MYO18A: variants seen among roughly 807,000 people sequenced by gnomAD.
MYO18A encodes myosin XVIIIA, also known as unconventional myosin-XVIIIa.
A neutral mutation model predicts 235.8 loss-of-function variants in MYO18A; 78 were observed. That is an observed-to-expected ratio of 0.33 (90% confidence interval 0.28 to 0.40). The LOEUF is 0.40. Ranked by LOEUF, MYO18A falls within the 10% of genes least tolerant of loss-of-function variation. The pLI, the probability that MYO18A is intolerant of heterozygous loss-of-function variation, is 1.00. For missense variants in MYO18A, 2,215 were observed against 2,699.3 expected, an observed-to-expected ratio of 0.82 and a Z score of 3.98; for synonymous variants, 977 against 1,077.8, an observed-to-expected ratio of 0.91 and a Z score of 1.83.
chr17:29,079,804 T>A (rs2066071699), intron 41 of MYO18A: 2 of 985,962 alleles, frequency 2.0e-6, no homozygotes, highest in African/African-American at 3.5e-5. Context: ...CTTTTCCTCC[T>A]TCCTCGACGG....
intron 36 of MYO18A, 28 bp downstream of exon 36, chr17:29,090,504 C>G (rs1183443191): frequency 6.4e-7 from 1 of 1,562,654 alleles, no homozygotes. Flanking sequence ...GGCACTCTCT[C>G]TCTCCTGAGG....
rs548034581 is a variant in MYO18A, at chr17:29,154,067, G to A, written c.999+11875C>T. Among the ~76,000 whole-genome samples, 6 of 152,014 alleles carry A rather than the reference G, an allele frequency of 3.9e-5. No individual in the cohort carries two copies. The South Asian group carries it at 1.2e-3, about 32-fold the overall frequency. ...CAAATGGCAGAAATTGGAGGGGTCT[G>A]GGAGAAAAGGACAACCCACTCTAAA... On this transcript the variant is annotated intron_variant, in intron 2 of 41. Coordinates refer to ENST00000527372, the MANE Select transcript of MYO18A (RefSeq NM_078471.4).
At chr17:29,103,032 C>G (rs2066693536) in intron 21 of MYO18A, among the ~76,000 whole-genome samples, 1 of 152,232 alleles carries the variant, frequency 6.6e-6, no homozygotes, top group Non-Finnish European at 1.5e-5. Flanking sequence ...TCAGCTGACC[C>G]TTTGGTGAGG....
rs542564282 is a variant in MYO18A at position 29,149,730 on chromosome 17, G to GC, written c.999+16211dup. 4.2e-3 allele frequency among the ~76,000 whole-genome samples: 635 copies of GC among 152,260 alleles called. 4 individuals carry two copies. The highest frequency in any genetic ancestry group is 0.014 in the African/African-American group (595 of 41,554). On this transcript the variant is annotated intron_variant, in intron 2 of 41. Transcript: ENST00000527372. Reference sequence around the variant, plus strand: ...CTCAGCTGCTGGGGATTTCCTCATGGCCCCCGGGGACTTCCAAATTGCCTC... The same window carrying GC: ...CTCAGCTGCTGGGGATTTCCTCATGGCCCCCCGGGGACTTCCAAATTGCCTC...
In MYO18A at chr17:29,111,764, G is replaced by A. The variant is rs144602898; in HGVS notation, c.2698C>T (p.Arg900Cys). ...TGGGGGCCATAATAGGAGAAAAGGCGCTCCAGGAGGGTGTCCTCACTGGCC... is the reference window on the plus strand; with the variant it reads ...TGGGGGCCATAATAGGAGAAAAGGCACTCCAGGAGGGTGTCCTCACTGGCC... ...PGASEDTLLERLFSYYGPQEG... is the reference protein window; with the variant it reads ...PGASEDTLLECLFSYYGPQEG... Residue 900 changes from arginine (R) to cysteine (C), a missense_variant, in exon 16 of 42, where the codon CGC becomes TGC. Physicochemically the swap from Arg to Cys is radical, Grantham distance 180 (BLOSUM62 -3). Coordinates refer to ENST00000527372, the MANE Select transcript of MYO18A (RefSeq NM_078471.4). The surrounding 1 kb of genome is among the most constrained non-coding windows in gnomAD (Gnocchi z 5.1). 3.8e-4 allele frequency: 618 copies of A among 1,613,796 alleles called. No individual in the cohort carries two copies. The highest frequency in any genetic ancestry group is 1.5e-3 in the Middle Eastern group (9 of 6,060).
chr17:29,178,737 A>T (rs1328503679), intron 1 of MYO18A, among the ~76,000 whole-genome samples: 4 of 152,122 alleles, frequency 2.6e-5, no homozygotes, highest in African/African-American at 9.7e-5. Context: ...CCTGAACTAA[A>T]AAGGGTGGGG....
intron 20 of MYO18A, among the ~76,000 whole-genome samples, chr17:29,105,577 GGAA>G (rs1269753728): frequency 3.3e-5 from 5 of 152,182 alleles, no homozygotes; most frequent in African/African-American, 9.7e-5. Flanking sequence ...AAGGGGTACG[GGAA>G]GAAGGAGGCT....
At chr17:29,165,225 G>A (rs553831607) in intron 2 of MYO18A, among the ~76,000 whole-genome samples, 8 of 152,046 alleles carry the variant, frequency 5.3e-5, no homozygotes, top group Non-Finnish European at 1.0e-4. Context: ...GTTCCATGAC[G>A]GCCCTAATTT....
In MYO18A at chr17:29,161,312, G is replaced by A. The variant is rs146646187; in HGVS notation, c.999+4630C>T. ...GGAAGTTGCAGTGAGCTGAGATCGC[G>A]CCACTGCATTCCAGCCTGGGTGACA... On this transcript the variant is annotated intron_variant, in intron 2 of 41. Transcript: ENST00000527372. Among the ~76,000 whole-genome samples the A allele has an allele frequency of 4.3e-3, 628 of 145,110 alleles. 2 individuals are homozygous for A. Among genetic ancestry groups the A allele is most frequent in the African/African-American group, 0.015 (588 of 38,940 alleles).
intron 2 of MYO18A, among the ~76,000 whole-genome samples, chr17:29,146,282 AAAAT>A (rs2067848372): frequency 6.6e-6 from 1 of 152,156 alleles, no homozygotes; most frequent in Non-Finnish European, 1.5e-5. Flanking sequence ...AAAATAAAAT[AAAAT>A]AAAAGGCAAA....
chr17:29,127,671 G>A lies in MYO18A; in HGVS notation c.1000-5418C>T, dbSNP rs912866585. 5.9e-5 allele frequency among the ~76,000 whole-genome samples: 9 copies of A among 152,236 alleles called. No homozygotes were observed. The East Asian group carries it at 1.7e-3, about 29-fold the overall frequency. On this transcript the variant is annotated intron_variant, in intron 2 of 41. Transcript: ENST00000527372. ...CAGGCCAGAGCCCAGGCAACTGCAG[G>A]GTCCGCATTGGGTTAGGGAAAGCCA...
At chr17:29,095,866 C>A (rs1232315237) in intron 28 of MYO18A, among the ~76,000 whole-genome samples, 1 of 152,172 alleles carries the variant, frequency 6.6e-6, no homozygotes, top group Non-Finnish European at 1.5e-5. Context: ...AGTAACTAGG[C>A]CGAGCTGGCA....
chr17:29,147,258 T>C (rs1310169444), intron 2 of MYO18A, among the ~76,000 whole-genome samples: 1 of 152,174 alleles, frequency 6.6e-6, no homozygotes, highest in Non-Finnish European at 1.5e-5. Flanking sequence ...GGCTTATTCC[T>C]GTAATCCCGG....
chr17:29,174,603 TCAG>T (rs2068480920), intron 1 of MYO18A, among the ~76,000 whole-genome samples: 1 of 152,028 alleles, frequency 6.6e-6, no homozygotes. Flanking sequence ...TCACTTGAGG[TCAG>T]AAGTTCGAGA....
rs1221436265 is a variant in MYO18A at position 29,121,899 on chromosome 17, C to T, written c.1146G>A (p.Leu382=). ...NLPEGKVRVK[L]DHDGAILDVD... ...CATCCAGGATGGCCCCATCGTGGTC[C>T]AGCTTCACACGCACCTTCCCCTCAG... Residue 382 remains leucine (L), a synonymous_variant, in exon 4 of 42, where the codon CTG becomes CTA. Transcript: ENST00000527372. This position sits in a 1 kb window ranked among gnomAD's most constrained non-coding sequence, Gnocchi z 4.2. The T allele has an allele frequency of 6.2e-7, 1 of 1,613,852 alleles. No individual in the cohort carries two copies. The highest frequency in any genetic ancestry group is 1.7e-5 in the Admixed American group (1 of 60,006).
chr17:29,175,602 A>C lies in MYO18A; in HGVS notation c.-82+4711T>G, dbSNP rs542145475. On this transcript the variant is annotated intron_variant, in intron 1 of 41. Transcript: ENST00000527372. ...TGGTCTCAAATTCCTGGGCTCAAGC[A>C]ATCTGCCTATCTCAGCCTCCCAAAG... Among the ~76,000 whole-genome samples, 14 of 152,032 alleles carry C rather than the reference A, an allele frequency of 9.2e-5. No individual in the cohort carries two copies. In the South Asian group the frequency reaches 2.9e-3, roughly 32 times the overall value.
Position 29,140,514 on chromosome 17 carries a change from C to T in MYO18A, c.1000-18261G>A. 1 of 875,464 alleles carries T rather than the reference C, an allele frequency of 1.1e-6. No individual in the cohort carries two copies. The highest frequency in any genetic ancestry group is 1.5e-6 in the Non-Finnish European group (1 of 668,518). 54.2% of individuals were successfully genotyped at this position (875,464 alleles called of 1,614,324 possible). On this transcript the variant is annotated intron_variant, in intron 2 of 41. Transcript: ENST00000527372. This position sits in a 1 kb window ranked among gnomAD's most constrained non-coding sequence, Gnocchi z 4.2. The stretch of plus-strand genomic sequence containing the variant: ...TAGTTGGAGCCAGCAGCCCGGAGGA[C>T]TTCGGGTATCAGGTATGCCAGGAGG...
chr17:29,116,255 A>G (rs1285812240), intron 11 of MYO18A, among the ~76,000 whole-genome samples, 189 bp downstream of exon 11: 2 of 152,182 alleles, frequency 1.3e-5, no homozygotes, highest in East Asian at 1.9e-4. Flanking sequence ...TTCCCTGAGT[A>G]CATTAGAACC....
At chr17:29,090,235 GCCCT>G in intron 36 of MYO18A, 137 bp from the exon 37 acceptor site, 1 of 1,039,558 alleles carries the variant, frequency 9.6e-7, no homozygotes, top group Non-Finnish European at 1.4e-6. Flanking sequence ...AGAGAATGGA[GCCCT>G]GGGCCAGAGG....
Sources: allele counts gnomAD v4.1 joint callset (sites outside exome capture counted in the v4.1 genomes callset), GRCh38; gene constraint gnomAD v4.1.1; non-coding constraint Gnocchi (gnomAD v3.1); transcripts MANE v1.5; gene names NCBI Gene and HGNC (gene_info 2026-07-23, HGNC 2026-07-21).